Variants in MASP2 observed in about 807,000 individuals in gnomAD.
MASP2 encodes mannan-binding lectin serine protease 2.
A neutral mutation model predicts 57.1 loss-of-function variants in MASP2; 49 were observed. The observed-to-expected ratio is 0.86, with a 90% CI of 0.68 to 1.09. MASP2 has a LOEUF of 1.09. MASP2 is among the 50% of genes least tolerant of loss of function. MASP2 has a pLI of 0.00. For synonymous variants in MASP2, 379 were observed against 340.8 expected (o/e 1.11, Z -1.24); for missense variants, 900 against 874.8 (o/e 1.03, Z -0.36).
Position 11,045,512 on chromosome 1 carries a change from C to G in MASP2, c.440G>C (p.Gly147Ala). 6.2e-7 allele frequency: 1 copy of G among 1,609,620 alleles called. No homozygotes were observed. The highest frequency in any genetic ancestry group is 8.5e-7 in the Non-Finnish European group (1 of 1,179,092). Residue 147 changes from glycine (G) to alanine (A), a missense_variant, in exon 4 of 11, where the codon GGA becomes GCA. Transcript: ENST00000400897. ...GTGGTGGTCGCAGGTGGGCGCCTCT[C>G]CCGGGGCCACCTGGCACTCGTCAAT... ...EDIDECQVAP[G>A]EAPTCDHHCH...
In MASP2 at chr1:11,043,518, C is replaced by T. The variant is rs778471941; in HGVS notation, c.562G>A (p.Val188Ile). Residue 188 changes from valine to isoleucine, a missense_variant, in exon 5 of 11, where the codon GTC (valine) becomes ATC (isoleucine). Physicochemically the swap from Val to Ile is conservative, Grantham distance 29. Transcript: ENST00000400897. ...RTCSALCSGQ[V>I]FTQRSGELSS... ...AGCTCCCCAGACCTCTGGGTGAAGACCTGGCCGGAGCACAGGGCTGGAAGG... is the reference window on the plus strand; with the variant it reads ...AGCTCCCCAGACCTCTGGGTGAAGATCTGGCCGGAGCACAGGGCTGGAAGG... The T allele has an allele frequency of 1.8e-5, 29 of 1,602,100 alleles. No individual in the cohort carries two copies. The highest frequency in any genetic ancestry group is 4.5e-5 in the East Asian group (2 of 44,650).
intron 6 of MASP2, among the ~76,000 whole-genome samples, chr1:11,041,863 T>A (rs926030364): frequency 6.9e-6 from 1 of 144,120 alleles, no homozygotes; most frequent in Non-Finnish European, 1.5e-5. Flanking sequence ...GATAGAAGGA[T>A]GGGTGGGTGG....
intron 6 of MASP2, among the ~76,000 whole-genome samples, chr1:11,041,105 A>ATGGATGGATG (rs59932912): frequency 0.016 from 2,176 of 133,058 alleles, 111 homozygotes; most frequent in Middle Eastern, 0.032. Flanking sequence ...AAGGATGGAT[A>ATGGATGGATG]GATGGATGGA....
chr1:11,030,348 C>A, intron 9 of MASP2, 98 bp from the exon 10 acceptor site: 1 of 822,876 alleles, frequency 1.2e-6, no homozygotes, highest in Non-Finnish European at 2.0e-6. Flanking sequence ...TCTTGAGCAT[C>A]AGTGGGACAT....
intron 4 of MASP2, 77 bp downstream of exon 4, chr1:11,045,331 G>C: frequency 6.2e-7 from 1 of 1,602,386 alleles, no homozygotes. Flanking sequence ...CGCACCCCTG[G>C]GCAGAGCAGC....
chr1:11,031,631 C>T (rs1411208709), intron 8 of MASP2, among the ~76,000 whole-genome samples: 5 of 149,234 alleles, frequency 3.4e-5, no homozygotes, highest in Admixed American at 1.3e-4. Context: ...GAAAAGGACA[C>T]GATAGTAAGA....
At chr1:11,031,932 C>T (rs932532950) in intron 8 of MASP2, among the ~76,000 whole-genome samples, 1 of 152,024 alleles carries the variant, frequency 6.6e-6, no homozygotes, top group Admixed American at 6.6e-5. Flanking sequence ...TCAGCTTATT[C>T]TTCTGATCCT....
rs373070282 is a variant in MASP2 at position 11,042,252 on chromosome 1, G to A, written c.889+623C>T. Among the ~76,000 whole-genome samples, 197 of 150,716 alleles carry A rather than the reference G, an allele frequency of 1.3e-3. 2 individuals carry two copies. In the South Asian group the frequency reaches 0.015, roughly 11 times the overall value. ...GATGGGTGGATAGAAGGATGAGTGG[G>A]TAGAAGGATGGGTGGATGGGTGGAT... On this transcript the variant is annotated intron_variant, in intron 6 of 10. Coordinates refer to ENST00000400897, the MANE Select transcript of MASP2 (RefSeq NM_006610.4).
chr1:11,036,279 T>C (rs939436792), intron 7 of MASP2, among the ~76,000 whole-genome samples: 1 of 146,512 alleles, frequency 6.8e-6, no homozygotes, highest in African/African-American at 2.6e-5. Flanking sequence ...CCGAGGCGGG[T>C]GGATCATGAG....
rs1412665279 is a variant in MASP2, at chr1:11,036,629, C to G, written c.1008+1064G>C. 1.5e-4 allele frequency among the ~76,000 whole-genome samples: 16 copies of G among 110,274 alleles called. No individual in the cohort carries two copies. The South Asian group carries it at 4.9e-3, about 34-fold the overall frequency. The allele number at this position is 110,274 out of a possible 152,430, so 72.3% of individuals were successfully genotyped here. A position where few individuals can be genotyped will look rare whatever the true frequency, so the allele number is the denominator to read the frequency against. ...TTTGCAAGGTGGGAAAAGTGTCTCT[C>G]TTTTTTTTTTTTTTTTTTTGACCCG... On this transcript the variant is annotated intron_variant, in intron 7 of 10. Transcript: ENST00000400897.
chr1:11,039,906 G>GGATA (rs139088691), intron 6 of MASP2, among the ~76,000 whole-genome samples: 65,031 of 123,756 alleles, frequency 0.53, 17,804 homozygotes, highest in Non-Finnish European at 0.61. Context: ...ATGGATAGAT[G>GGATA]GATGGATAGA....
chr1:11,037,848 G>T, intron 6 of MASP2, 37 bp from the exon 7 acceptor site: 2 of 1,275,434 alleles, frequency 1.6e-6, no homozygotes, highest in South Asian at 1.3e-5. Flanking sequence ...GTTTTCATGT[G>T]GTCTACAGCA....
At chr1:11,031,909 C>T (rs1416653177) in intron 8 of MASP2, among the ~76,000 whole-genome samples, 1 of 151,578 alleles carries the variant, frequency 6.6e-6, no homozygotes, top group Non-Finnish European at 1.5e-5. Flanking sequence ...ACTTTGTCTC[C>T]AAAACAAAAA....
At chr1:11,044,193 C>CT in intron 4 of MASP2, among the ~76,000 whole-genome samples, 1 of 152,326 alleles carries the variant, frequency 6.6e-6, no homozygotes, top group South Asian at 2.1e-4. Context: ...GACCCCTGCC[C>CT]TGGGGGCTGC....
chr1:11,032,075 CA>C (rs1643855655), intron 8 of MASP2, among the ~76,000 whole-genome samples: 1 of 150,672 alleles, frequency 6.6e-6, no homozygotes, highest in Non-Finnish European at 1.5e-5. Context: ...CCATCTCTAC[CA>C]AAAATTTAAA....
At chr1:11,040,776 TG>T (rs1638400249) in intron 6 of MASP2, among the ~76,000 whole-genome samples, 1 of 142,886 alleles carries the variant, frequency 7.0e-6, no homozygotes, top group Admixed American at 7.0e-5. Context: ...GGTGGGTGGG[TG>T]GATAAAGGAT....
Position 11,044,164 on chromosome 1 carries a change from A to T in MASP2, c.545-629T>A, listed in dbSNP as rs186475782. Among the ~76,000 whole-genome samples the T allele has an allele frequency of 5.7e-3, 865 of 151,590 alleles. 13 individuals are homozygous for T. Among genetic ancestry groups the T allele is most frequent in the African/African-American group, 0.019 (786 of 41,290 alleles). On this transcript the variant is annotated intron_variant, in intron 4 of 10. Transcript: ENST00000400897. Reference sequence around the variant, plus strand: ...CCATCCGGAAGAAGGGTCTCTCATCACCCCCTTTCCCCAGGTCTGACCCCT... The same window carrying T: ...CCATCCGGAAGAAGGGTCTCTCATCTCCCCCTTTCCCCAGGTCTGACCCCT...
At chr1:11,034,027 C>G (rs950882322) in intron 8 of MASP2, among the ~76,000 whole-genome samples, 16 of 151,668 alleles carry the variant, frequency 1.1e-4, no homozygotes, top group Non-Finnish European at 1.9e-4. Context: ...CACCTGAGGT[C>G]AGGAGTTCGA....
chr1:11,045,048 GC>G, intron 4 of MASP2: 1 of 1,216,422 alleles, frequency 8.2e-7, no homozygotes, highest in South Asian at 1.3e-5. Flanking sequence ...GGCTGCCCAC[GC>G]CCCAGAGCAC....
Sources: gnomAD v4.1 joint callset for allele counts (sites outside exome capture counted in the v4.1 genomes callset) on GRCh38, gnomAD v4.1.1 for gene constraint, MANE v1.5 for transcripts, NCBI Gene and HGNC (gene_info 2026-07-23, HGNC 2026-07-21) for gene names.